Variants in PDZRN3 observed in about 807,000 individuals in gnomAD.
PDZRN3 encodes the protein PDZ domain containing ring finger 3.
In PDZRN3, 38 loss-of-function variants were observed where a neutral mutation model predicts 85.7. That is an observed-to-expected ratio of 0.44 (90% CI 0.34 to 0.58). The LOEUF (loss-of-function observed/expected upper bound fraction) is 0.58. Among genes scored for constraint, PDZRN3 ranks in the 20% least tolerant of loss-of-function variants. The pLI, the probability that PDZRN3 is intolerant of heterozygous loss-of-function variation, is 0.01. For missense variants in PDZRN3, 1,629 were observed against 1,506.4 expected, an observed-to-expected ratio of 1.08 and a Z score of -1.35; for synonymous variants, 759 against 638.0, an observed-to-expected ratio of 1.19 and a Z score of -2.86.
chr3:73,531,671 A>G (rs1575714637), intron 3 of PDZRN3, among the ~76,000 whole-genome samples: 2 of 152,232 alleles, frequency 1.3e-5, no homozygotes, highest in South Asian at 4.1e-4. Context: ...TTCCTGGTCC[A>G]GAGACAAACA....
At chr3:73,487,109 T>C (rs938960306) in intron 3 of PDZRN3, among the ~76,000 whole-genome samples, 4 of 152,210 alleles carry the variant, frequency 2.6e-5, no homozygotes, top group African/African-American at 9.6e-5. Flanking sequence ...ATCCACAATA[T>C]TAATTGACTT....
chr3:73,601,575 C>G (rs1423092467), intron 3 of PDZRN3, among the ~76,000 whole-genome samples: 2 of 152,048 alleles, frequency 1.3e-5, no homozygotes, highest in African/African-American at 2.4e-5. Context: ...TGAAAATGGT[C>G]AAAACACCAG....
intron 3 of PDZRN3, among the ~76,000 whole-genome samples, chr3:73,418,828 G>A (rs969392770): frequency 4.6e-5 from 7 of 152,140 alleles, no homozygotes; most frequent in East Asian, 1.9e-4. Context: ...CCTTGCCTGC[G>A]TTCACCTGGA....
At chr3:73,511,998 T>C (rs896145189) in intron 3 of PDZRN3, among the ~76,000 whole-genome samples, 4 of 152,266 alleles carry the variant, frequency 2.6e-5, no homozygotes, top group African/African-American at 9.6e-5. Flanking sequence ...TATACACTTA[T>C]ACACTTGCAG....
rs780121068 is a variant in PDZRN3, at chr3:73,602,406, C to T, written c.866G>A (p.Ser289Asn). ...GCCTCCTTCCTTGGCTGCAGGCCCA[C>T]TGTCAACTATCTTGGATACAAAGAT... ...EGIFVSKIVD[S>N]GPAAKEGGLQ... is the part of the protein sequence containing the mutation. The change falls in exon 3 of 10, where the codon AGT (serine) becomes AAT (asparagine). Residue 289 changes from serine (S) to asparagine (N), a missense_variant. Ser to Asn is a conservative substitution (Grantham distance 46). Transcript: ENST00000263666. 5 of 1,612,204 alleles carry T rather than the reference C, an allele frequency of 3.1e-6. No individual in the cohort carries two copies. Among genetic ancestry groups the T allele is most frequent in the Non-Finnish European group, 4.2e-6 (5 of 1,178,264 alleles).
At position 73,624,087 on chromosome 3, in the gene PDZRN3, G is replaced by C. The variant is rs1702918348; in HGVS notation, c.723+16C>G. 1 of 1,430,444 alleles carries C rather than the reference G, an allele frequency of 7.0e-7. No individual in the cohort carries two copies. The highest frequency in any genetic ancestry group is 9.1e-7 in the Non-Finnish European group (1 of 1,101,336). The allele number at this position is 1,430,444 out of a possible 1,614,324, so 88.6% of individuals were successfully genotyped here. On this transcript the variant is annotated intron_variant, in intron 1 of 9. Transcript: ENST00000263666. ...GGGATCCTGGCTGGAGGTCGGGGCG[G>C]GCAGCAGGCGCCTACCTTGCCGCCG...
At chr3:73,411,502 G>A (rs548847394) in intron 3 of PDZRN3, among the ~76,000 whole-genome samples, 86 of 152,328 alleles carry the variant, frequency 5.6e-4, no homozygotes, top group African/African-American at 2.0e-3. Context: ...GCTAGAGGCC[G>A]TGTCCATCCA....
intron 3 of PDZRN3, among the ~76,000 whole-genome samples, chr3:73,493,757 G>A (rs1457216600): frequency 3.3e-5 from 5 of 152,174 alleles, no homozygotes; most frequent in South Asian, 2.1e-4. Flanking sequence ...GATTGGTTAA[G>A]GGATGGCACA....
chr3:73,413,760 G>A (rs1398247684), intron 3 of PDZRN3, among the ~76,000 whole-genome samples: 2 of 152,242 alleles, frequency 1.3e-5, no homozygotes, highest in South Asian at 2.1e-4. Flanking sequence ...AGAGGGAGAG[G>A]TGGGGCCCGG....
Position 73,393,340 on chromosome 3 carries a change from T to TCTA in PDZRN3, c.1255-2227_1255-2225dup, listed in dbSNP as rs148277626. 7.6e-3 allele frequency among the ~76,000 whole-genome samples: 1,162 copies of TCTA among 151,994 alleles called. 14 individuals carry two copies. Among genetic ancestry groups the TCTA allele is most frequent in the African/African-American group, 0.024 (996 of 41,464 alleles). The stretch of plus-strand genomic sequence containing the variant: ...AAGATTCTACAGTTCTACTGGACTT[T>TCTA]CTACTACTACTACTACTACTACTGC... On this transcript the variant is annotated intron_variant, in intron 5 of 9. Transcript: ENST00000263666.
At chr3:73,576,727 G>T (rs1702129598) in intron 3 of PDZRN3, among the ~76,000 whole-genome samples, 1 of 152,126 alleles carries the variant, frequency 6.6e-6, no homozygotes, top group Admixed American at 6.5e-5. Context: ...CTTGTTGATA[G>T]ACATGAATAT....
At chr3:73,484,436 G>A (rs532258205) in intron 3 of PDZRN3, among the ~76,000 whole-genome samples, 39 of 152,136 alleles carry the variant, frequency 2.6e-4, no homozygotes, top group Admixed American at 2.3e-3. Context: ...TTAGTTCGAT[G>A]CCCCAGAGAA....
chr3:73,603,388 T>C (rs944549694), intron 2 of PDZRN3, among the ~76,000 whole-genome samples: 1 of 152,168 alleles, frequency 6.6e-6, no homozygotes, highest in Non-Finnish European at 1.5e-5. Context: ...AACAAGCTCA[T>C]AAAAAACCCT....
At chr3:73,405,663 C>T (rs114644740) in intron 3 of PDZRN3, among the ~76,000 whole-genome samples, 2,406 of 152,294 alleles carry the variant, frequency 0.016, 61 homozygotes, top group African/African-American at 0.054. Flanking sequence ...GAGTTTAAAT[C>T]TCTTAGATTA....
At chr3:73,423,064 C>T (rs959216298) in intron 3 of PDZRN3, among the ~76,000 whole-genome samples, 3 of 152,178 alleles carry the variant, frequency 2.0e-5, no homozygotes, top group Non-Finnish European at 2.9e-5. Context: ...TCCTGCCAGT[C>T]ATCCCCTAAC....
chr3:73,438,870 C>T (rs533386115), intron 3 of PDZRN3, among the ~76,000 whole-genome samples: 14 of 152,362 alleles, frequency 9.2e-5, no homozygotes, highest in South Asian at 2.1e-4. Flanking sequence ...GCCTCATCTG[C>T]GTCCTCTGGA....
intron 3 of PDZRN3, among the ~76,000 whole-genome samples, chr3:73,509,954 C>T (rs1234812994): frequency 6.6e-6 from 1 of 152,154 alleles, no homozygotes; most frequent in Non-Finnish European, 1.5e-5. Context: ...TTGAAAACAA[C>T]GGATTATCTT....
In PDZRN3 at chr3:73,382,496, C is replaced by G. The variant is rs1348023523; in HGVS notation, c.*869G>C. On this transcript the variant is annotated 3_prime_UTR_variant, in exon 10 of 10. Coordinates refer to ENST00000263666, the MANE Select transcript of PDZRN3 (RefSeq NM_015009.3). ...AATGAGGAATCACATCAAAACATAT[C>G]AAATAGAAAATAATAATTTATTTTA... 1 of 152,568 alleles carries G rather than the reference C, an allele frequency of 6.6e-6. No homozygotes were observed. The highest frequency in any genetic ancestry group is 2.4e-5 in the African/African-American group (1 of 41,434). 9.5% of individuals were successfully genotyped at this position (152,568 alleles called of 1,614,324 possible).
chr3:73,390,249 T>C (rs1701493573), intron 6 of PDZRN3, among the ~76,000 whole-genome samples: 1 of 152,220 alleles, frequency 6.6e-6, no homozygotes, highest in Non-Finnish European at 1.5e-5. Flanking sequence ...CCTTATTTTA[T>C]ACCAAATACT....
Sources: allele counts gnomAD v4.1 joint callset (sites outside exome capture counted in the v4.1 genomes callset), GRCh38; gene constraint gnomAD v4.1.1; transcripts MANE v1.5; gene names NCBI Gene and HGNC (gene_info 2026-07-23, HGNC 2026-07-21).